CASTOR2: variants seen among roughly 807,000 people sequenced by gnomAD.
The protein encoded by CASTOR2 is cytosolic arginine sensor for mTORC1 subunit 2, also known as GATS protein like 2.
A neutral mutation model predicts 31.2 loss-of-function variants in CASTOR2; 8 were observed. The ratio of observed to expected loss-of-function variants is 0.26; its 90% CI spans 0.15 to 0.46. The LOEUF (loss-of-function observed/expected upper bound fraction) is 0.46. Ranked by LOEUF, CASTOR2 falls within the 20% of genes least tolerant of loss-of-function variation. The pLI, the probability that CASTOR2 is intolerant of heterozygous loss-of-function variation, is 0.99. For synonymous variants in CASTOR2, 162 were observed against 158.7 expected (o/e 1.02, Z -0.16); for missense variants, 216 against 382.1 (o/e 0.57, Z 3.62).
intron 2 of CASTOR2, among the ~76,000 whole-genome samples, chr7:75,015,936 G>A (rs1274617521): frequency 6.6e-6 from 1 of 152,088 alleles, no homozygotes; most frequent in African/African-American, 2.4e-5. Flanking sequence ...GCATGATGTT[G>A]GGTGCCTCTA....
intron 5 of CASTOR2, 108 bp from the exon 6 acceptor site, chr7:75,019,917 ACACTGGCCCAGGGT>A: frequency 1.2e-6 from 1 of 804,946 alleles, no homozygotes; most frequent in South Asian, 1.8e-5. Flanking sequence ...GATGAGAAGG[ACACTGGCCCAGGGT>A]CACCCAGGTG....
chr7:75,012,093 A>G (rs1251013645), intron 2 of CASTOR2, among the ~76,000 whole-genome samples: 2 of 152,190 alleles, frequency 1.3e-5, no homozygotes, highest in Non-Finnish European at 2.9e-5. Flanking sequence ...AATGCTCTCA[A>G]GGCGCCTCTA....
chr7:74,997,357 G>A (rs1226042416), intron 1 of CASTOR2, among the ~76,000 whole-genome samples: 4 of 152,076 alleles, frequency 2.6e-5, no homozygotes, highest in Non-Finnish European at 5.9e-5. Flanking sequence ...TACCCCTCTT[G>A]GAAGTTTGGG....
At chr7:74,994,932 C>T (rs1804305135) in intron 1 of CASTOR2, among the ~76,000 whole-genome samples, 2 of 152,080 alleles carry the variant, frequency 1.3e-5, no homozygotes, top group Admixed American at 1.3e-4. Flanking sequence ...AGGAGAAGAG[C>T]AGCCACCACA....
At chr7:74,971,946 C>A (rs1803685431) in intron 1 of CASTOR2, among the ~76,000 whole-genome samples, 1 of 148,984 alleles carries the variant, frequency 6.7e-6, no homozygotes, top group Non-Finnish European at 1.5e-5. Flanking sequence ...CTCCCAGAGT[C>A]CCCTCTGTTT....
At position 75,024,666 on chromosome 7, in the gene CASTOR2, T is replaced by A. The variant is rs1311459284; in HGVS notation, c.957T>A (p.Ser319Arg). 7 of 1,551,518 alleles carry A rather than the reference T, an allele frequency of 4.5e-6. No homozygotes were observed. Among genetic ancestry groups the A allele is most frequent in the Non-Finnish European group, 5.2e-6 (6 of 1,146,874 alleles). Residue 319 changes from serine (S) to arginine (R), a missense_variant, in exon 9 of 9, where the codon AGT becomes AGA. Around this residue, in one of 5 missense-constraint regions of CASTOR2, gnomAD observed 31 missense variants for 32.7 expected, o/e 0.95. Transcript: ENST00000616305. ...VPEENINGVI[S>R]ALKVSQAEKH Reference sequence around the variant, plus strand: ...AAGAGAACATCAATGGTGTCATCAGTGCCCTGAAGGTCAGCCAAGCAGAGA... The same window carrying A: ...AAGAGAACATCAATGGTGTCATCAGAGCCCTGAAGGTCAGCCAAGCAGAGA...
intron 1 of CASTOR2, among the ~76,000 whole-genome samples, chr7:74,992,222 C>T (rs1486517946): frequency 3.1e-4 from 47 of 152,180 alleles, no homozygotes; most frequent in African/African-American, 1.1e-3. Context: ...TGACCTCTGG[C>T]AGATCCCATC....
chr7:74,978,074 A>T (rs1213717640), intron 1 of CASTOR2, among the ~76,000 whole-genome samples: 1 of 150,694 alleles, frequency 6.6e-6, no homozygotes, highest in Non-Finnish European at 1.5e-5. Flanking sequence ...ATCTCTGCTT[A>T]AAAACCTGAG....
rs1803545364 is a variant in CASTOR2, at chr7:74,964,779, GCCTCCCTCGCC to G, written c.-204_-194del. ...CCTCGGCTGCTGCTCCGCCGGCGCTGCCTCCCTCGCCCCGCGGCTCCCCCTTGCAACTTGGC... is the reference window on the plus strand; with the variant it reads ...CCTCGGCTGCTGCTCCGCCGGCGCTGCCGCGGCTCCCCCTTGCAACTTGGC... On this transcript the variant is annotated 5_prime_UTR_variant, in exon 1 of 9. Coordinates refer to ENST00000616305, the MANE Select transcript of CASTOR2 (RefSeq NM_001145064.3). The G allele has an allele frequency of 2.9e-5, 2 of 69,218 alleles. No homozygotes were observed. The highest frequency in any genetic ancestry group is 5.5e-5 in the Non-Finnish European group (2 of 36,388). The allele number at this position is 69,218 out of a possible 1,614,324, so 4.3% of individuals were successfully genotyped here.
At position 75,030,062 on chromosome 7, in the gene CASTOR2, C is replaced by G. The variant is rs1000978023; in HGVS notation, c.*5363C>G. ...GAGCAGCCTGGAGCAGAGGCAGGAG[C>G]CTGAGGCCTGAGCCATGGCATCCAG... On this transcript the variant is annotated 3_prime_UTR_variant, in exon 9 of 9. Transcript: ENST00000616305. Among the ~76,000 whole-genome samples the G allele has an allele frequency of 2.6e-5, 4 of 152,184 alleles. No individual in the cohort carries two copies. The highest frequency in any genetic ancestry group is 9.7e-5 in the African/African-American group (4 of 41,450).
rs990875906 is a variant in CASTOR2 at position 75,029,607 on chromosome 7, G to A, written c.*4908G>A. Among the ~76,000 whole-genome samples the A allele has an allele frequency of 6.6e-6, 1 of 151,946 alleles. No individual in the cohort carries two copies. The highest frequency in any genetic ancestry group is 2.4e-5 in the African/African-American group (1 of 41,414). ...GATCCGCCCACCTTGGCCTCCCAAA[G>A]TGCTGGGATTACAGGCATGAGATAC... is the stretch of plus-strand genomic sequence containing the variant. On this transcript the variant is annotated 3_prime_UTR_variant, in exon 9 of 9. Transcript: ENST00000616305.
rs1430505978 is a variant in CASTOR2, at chr7:75,017,659, G to A, written c.246G>A (p.Val82=). 6.2e-7 allele frequency: 1 copy of A among 1,614,050 alleles called. No homozygotes were observed. Among genetic ancestry groups the A allele is most frequent in the Middle Eastern group, 1.7e-4 (1 of 6,054 alleles). ...CCACCTGGCTGGCCCTGAACGTGGT[G>A]TCCGGCGGTGGCAGCTTCTCCAGCT... The part of the protein sequence containing the change: ...ADATWLALNV[V]SGGGSFSSSQ... Residue 82 remains valine (V), a synonymous_variant, in exon 3 of 9, where the codon GTG becomes GTA. Coordinates refer to ENST00000616305, the MANE Select transcript of CASTOR2 (RefSeq NM_001145064.3).
At chr7:74,991,868 C>T (rs1489492410) in intron 1 of CASTOR2, among the ~76,000 whole-genome samples, 7 of 152,016 alleles carry the variant, frequency 4.6e-5, no homozygotes, top group African/African-American at 7.2e-5. Context: ...TTGGTATTAT[C>T]GTGGAGACAG....
intron 1 of CASTOR2, among the ~76,000 whole-genome samples, chr7:74,984,617 C>T (rs1188645408): frequency 2.0e-5 from 3 of 152,286 alleles, no homozygotes; most frequent in Admixed American, 1.3e-4. Context: ...CTTCCTGCTC[C>T]TCTCACTGCT....
At position 75,028,791 on chromosome 7, in the gene CASTOR2, G is replaced by A. The variant is rs1298608217; in HGVS notation, c.*4092G>A. 5.9e-5 allele frequency among the ~76,000 whole-genome samples: 9 copies of A among 152,212 alleles called. No individual in the cohort carries two copies. In the East Asian group the frequency reaches 7.7e-4, roughly 13 times the overall value. ...TTCAAGGGGCACTGCCCACACCACT[G>A]TCCTCAGCCCGAGGCATGCATCTGA... is the stretch of plus-strand genomic sequence containing the variant. On this transcript the variant is annotated 3_prime_UTR_variant, in exon 9 of 9. Coordinates refer to ENST00000616305, the MANE Select transcript of CASTOR2 (RefSeq NM_001145064.3).
Position 75,028,326 on chromosome 7 carries a change from G to A in CASTOR2, c.*3627G>A, listed in dbSNP as rs1285438303. 2.6e-5 allele frequency among the ~76,000 whole-genome samples: 4 copies of A among 151,942 alleles called. No individual in the cohort carries two copies. The highest frequency in any genetic ancestry group is 5.9e-5 in the Non-Finnish European group (4 of 67,986). ...GGTAGAGACGGGGTTTCACCATGTT[G>A]GCCACGCTGGTCTTGAACTCCTGAC... On this transcript the variant is annotated 3_prime_UTR_variant, in exon 9 of 9. Coordinates refer to ENST00000616305, the MANE Select transcript of CASTOR2 (RefSeq NM_001145064.3).
chr7:75,014,768 A>AGGCCTG (rs1804830087), intron 2 of CASTOR2, among the ~76,000 whole-genome samples: 1 of 152,136 alleles, frequency 6.6e-6, no homozygotes, highest in Non-Finnish European at 1.5e-5. Flanking sequence ...AGCTGGTCTC[A>AGGCCTG]GGCCTGGGCT....
chr7:75,020,539 G>A (rs1804970554), intron 6 of CASTOR2, among the ~76,000 whole-genome samples: 1 of 151,078 alleles, frequency 6.6e-6, no homozygotes, highest in South Asian at 2.1e-4. Flanking sequence ...CGCCCAGGCT[G>A]GAGTGCAGTG....
Position 75,024,528 on chromosome 7 carries a change from T to C in CASTOR2, c.918T>C (p.His306=). The stretch of plus-strand genomic sequence containing the variant: ...ACATCAGTACTTTCAAGTTTGATCA[T>C]GCACTTGTGAGTGTCCAGCGCCAGA... The part of the protein sequence containing the change: ...AYYISTFKFD[H]ALVPEENING... The change falls in exon 8 of 9, where the codon CAT becomes CAC. Residue 306 remains histidine, a synonymous_variant. Coordinates refer to ENST00000616305, the MANE Select transcript of CASTOR2 (RefSeq NM_001145064.3). The C allele has an allele frequency of 6.4e-7, 1 of 1,551,554 alleles. No homozygotes were observed. Among genetic ancestry groups the C allele is most frequent in the Non-Finnish European group, 8.7e-7 (1 of 1,146,836 alleles).
Sources: allele counts gnomAD v4.1 joint callset (sites outside exome capture counted in the v4.1 genomes callset), GRCh38; gene constraint gnomAD v4.1.1; regional missense constraint gnomAD v4.1.1; transcripts MANE v1.5; gene names NCBI Gene and HGNC (gene_info 2026-07-23, HGNC 2026-07-21).